AFF4: variants seen among roughly 807,000 people sequenced by gnomAD.
AFF4 encodes the protein ALF transcription elongation factor 4, also known as AF4/FMR2 family member 4.
In AFF4, 13 loss-of-function variants were observed where a neutral mutation model predicts 124.8. The ratio of observed to expected loss-of-function variants is 0.10; its 90% CI spans 0.07 to 0.17. AFF4 has a LOEUF of 0.17. Ranked by LOEUF, AFF4 falls within the 10% of genes least tolerant of loss-of-function variation. The pLI, the probability that AFF4 is intolerant of heterozygous loss-of-function variation, is 1.00. For missense variants in AFF4, 1,092 were observed against 1,403.8 expected, an observed-to-expected ratio of 0.78 and a Z score of 3.55; for synonymous variants, 477 against 496.1, an observed-to-expected ratio of 0.96 and a Z score of 0.51.
intron 4 of AFF4, among the ~76,000 whole-genome samples, chr5:132,930,492 A>G (rs912668195): frequency 6.6e-6 from 1 of 152,202 alleles, no homozygotes; most frequent in Non-Finnish European, 1.5e-5. Flanking sequence ...GATAATGACC[A>G]TAGAGAAACA....
In AFF4 at chr5:132,880,354, AAC is replaced by A. The variant is rs1759944055; in HGVS notation, c.*703_*704del. 2.5e-6 allele frequency: 1 copy of A among 398,848 alleles called. No homozygotes were observed. The highest frequency in any genetic ancestry group is 1.3e-4 in the South Asian group (1 of 7,862). 24.7% of individuals were successfully genotyped at this position (398,848 alleles called of 1,614,324 possible). A position where few individuals can be genotyped will look rare whatever the true frequency, so the allele number is the denominator to read the frequency against. Reference sequence around the variant, plus strand: ...ACTGTGTGATTGCTGTAGTGTTATTAACACACATTCACAGTTTTTGAAATAAT... The same window carrying A: ...ACTGTGTGATTGCTGTAGTGTTATTAACACATTCACAGTTTTTGAAATAAT... On this transcript the variant is annotated 3_prime_UTR_variant, in exon 21 of 21. Coordinates refer to ENST00000265343, the MANE Select transcript of AFF4 (RefSeq NM_014423.4).
At chr5:132,944,565 T>C (rs1056211375) in intron 1 of AFF4, among the ~76,000 whole-genome samples, 1 of 152,112 alleles carries the variant, frequency 6.6e-6, no homozygotes, top group Non-Finnish European at 1.5e-5. Flanking sequence ...GGGGAATGCT[T>C]GAGCCTGAGA....
chr5:132,961,667 T>C (rs1762084892), intron 1 of AFF4, among the ~76,000 whole-genome samples: 1 of 152,216 alleles, frequency 6.6e-6, no homozygotes. Context: ...ATTACACAGC[T>C]TCACCTTACA....
chr5:132,938,413 G>T (rs1761483556), intron 1 of AFF4, among the ~76,000 whole-genome samples: 1 of 151,728 alleles, frequency 6.6e-6, no homozygotes, highest in African/African-American at 2.4e-5. Context: ...GATTACAGGT[G>T]CATGCCAATG....
At chr5:132,927,808 G>A (rs1429038941) in intron 4 of AFF4, among the ~76,000 whole-genome samples, 1 of 152,046 alleles carries the variant, frequency 6.6e-6, no homozygotes, top group Admixed American at 6.6e-5. Flanking sequence ...GTCAGGGGAA[G>A]AAATCAGAAG....
At chr5:132,944,266 G>GGCGGAGCTTGCAGTGAGCCGAGATC (rs1554078287) in intron 1 of AFF4, among the ~76,000 whole-genome samples, 1 of 122,186 alleles carries the variant, frequency 8.2e-6, no homozygotes. Context: ...GAACCCAGGA[G>GGCGGAGCTTGCAGTGAGCCGAGATC]GCGGAGCTTG....
chr5:132,879,771 C>G lies in AFF4; in HGVS notation c.*1288G>C, dbSNP rs1759927083. 1 of 223,832 alleles carries G rather than the reference C, an allele frequency of 4.5e-6. No individual in the cohort carries two copies. The highest frequency in any genetic ancestry group is 2.2e-5 in the African/African-American group (1 of 44,874). The allele number at this position is 223,832 out of a possible 1,614,324, so 13.9% of individuals were successfully genotyped here. On this transcript the variant is annotated 3_prime_UTR_variant, in exon 21 of 21. Coordinates refer to ENST00000265343, the MANE Select transcript of AFF4 (RefSeq NM_014423.4). ...CTTACAGAGCCAGCTTCTTTAAGCT[C>G]TACCCCTGGCTCCACTCCCTGTCCC...
chr5:132,898,495 T>G, intron 9 of AFF4, 103 bp from the exon 10 acceptor site: 1 of 1,256,522 alleles, frequency 8.0e-7, no homozygotes, highest in East Asian at 2.5e-5. Flanking sequence ...CTTGTCTTTT[T>G]TTTTTTTAGA....
intron 1 of AFF4, among the ~76,000 whole-genome samples, chr5:132,945,783 G>A (rs767333826): frequency 4.0e-5 from 6 of 150,830 alleles, no homozygotes; most frequent in South Asian, 4.2e-4. Flanking sequence ...TAAACAGGCC[G>A]GGCACGGTGG....
chr5:132,900,175 A>G (rs1410895623), intron 7 of AFF4, among the ~76,000 whole-genome samples: 1 of 152,250 alleles, frequency 6.6e-6, no homozygotes, highest in Non-Finnish European at 1.5e-5. Flanking sequence ...ATGCCTTGCT[A>G]TGAAACAAAG....
intron 1 of AFF4, among the ~76,000 whole-genome samples, chr5:132,941,342 T>C (rs980766735): frequency 6.2e-5 from 9 of 144,956 alleles, no homozygotes; most frequent in Non-Finnish European, 8.8e-5. Flanking sequence ...TTTTCTTTTT[T>C]ATTTTTTTTG....
chr5:132,947,998 T>C (rs1761740740), intron 1 of AFF4, among the ~76,000 whole-genome samples: 1 of 152,212 alleles, frequency 6.6e-6, no homozygotes, highest in African/African-American at 2.4e-5. Flanking sequence ...ATTATGTGAA[T>C]TTCTTACTGT....
chr5:132,889,055 A>G (rs1360068756), intron 14 of AFF4, 24 bp downstream of exon 14: 1 of 1,580,124 alleles, frequency 6.3e-7, no homozygotes, highest in Non-Finnish European at 8.7e-7. Context: ...TTAAATACAG[A>G]TACAAAAAAT....
intron 5 of AFF4, among the ~76,000 whole-genome samples, chr5:132,925,235 CAA>C (rs1761142668): frequency 6.6e-6 from 1 of 151,362 alleles, no homozygotes; most frequent in Admixed American, 6.6e-5. Context: ...TATATGTAAA[CAA>C]AGATATAAAA....
intron 1 of AFF4, chr5:132,942,844 C>G (rs1761605469): frequency 5.9e-6 from 1 of 170,866 alleles, no homozygotes; most frequent in African/African-American, 2.4e-5. Flanking sequence ...GTAATCCCAG[C>G]AGTTTGGGAG....
At chr5:132,962,102 G>A (rs1219490828) in intron 1 of AFF4, among the ~76,000 whole-genome samples, 1 of 152,080 alleles carries the variant, frequency 6.6e-6, no homozygotes, top group East Asian at 1.9e-4. Context: ...GACCACAAAG[G>A]CTCTTTATCA....
chr5:132,955,851 T>TTA (rs749174346), intron 1 of AFF4, among the ~76,000 whole-genome samples: 41 of 146,134 alleles, frequency 2.8e-4, no homozygotes, highest in Non-Finnish European at 5.4e-4. Flanking sequence ...ATACATGTAT[T>TTA]ACATAGATTA....
intron 8 of AFF4, 132 bp from the exon 9 acceptor site, chr5:132,899,273 A>G: frequency 1.2e-6 from 1 of 819,464 alleles, no homozygotes; most frequent in South Asian, 2.0e-5. Flanking sequence ...TAGCACTTAT[A>G]CTGTTTTTAC....
At chr5:132,957,045 A>AAAC (rs1761979903) in intron 1 of AFF4, among the ~76,000 whole-genome samples, 1 of 141,576 alleles carries the variant, frequency 7.1e-6, no homozygotes, top group Non-Finnish European at 1.6e-5. Context: ...AAAAAAAAAA[A>AAAC]AAAACAGAAA....
Sources: allele counts gnomAD v4.1 joint callset (sites outside exome capture counted in the v4.1 genomes callset), GRCh38; gene constraint gnomAD v4.1.1; transcripts MANE v1.5; gene names NCBI Gene and HGNC (gene_info 2026-07-23, HGNC 2026-07-21).